The following PRKCB variants were observed in gnomAD, a reference collection of about 807,000 sequenced individuals.
PRKCB encodes the protein protein kinase C beta, also known as protein kinase C beta type.
In PRKCB, 13 loss-of-function variants were observed where a neutral mutation model predicts 81.5. The observed-to-expected ratio is 0.16, with a 90% CI of 0.10 to 0.25. PRKCB has a LOEUF of 0.25. Ranked by LOEUF, PRKCB falls within the 10% of genes least tolerant of loss-of-function variation. The probability of loss-of-function intolerance (pLI) is 1.00; values close to 1 mark genes in which losing one functional copy is unlikely to be tolerated. For synonymous variants in PRKCB, 335 were observed against 321.4 expected, an observed-to-expected ratio of 1.04 and a Z score of -0.45; for missense variants, 509 against 875.7, an observed-to-expected ratio of 0.58 and a Z score of 5.29.
intron 9 of PRKCB, among the ~76,000 whole-genome samples, chr16:24,125,986 G>A (rs1429099576): frequency 1.3e-5 from 2 of 152,192 alleles, no homozygotes; most frequent in African/African-American, 2.4e-5. Context: ...AGATGGAGAA[G>A]GAGATGGTGG....
At chr16:23,882,991 A>C (rs904485995) in intron 2 of PRKCB, among the ~76,000 whole-genome samples, 2 of 152,142 alleles carry the variant, frequency 1.3e-5, no homozygotes, top group African/African-American at 4.8e-5. Flanking sequence ...TTCTAACTGC[A>C]CCACAGCTCC....
chr16:24,042,142 G>T (rs187177930), intron 5 of PRKCB, among the ~76,000 whole-genome samples: 1 of 152,102 alleles, frequency 6.6e-6, no homozygotes, highest in East Asian at 1.9e-4. Flanking sequence ...GTGTCATGGG[G>T]GTTTGTGTAA....
At chr16:24,042,205 G>T (rs918721912) in intron 5 of PRKCB, among the ~76,000 whole-genome samples, 7 of 152,112 alleles carry the variant, frequency 4.6e-5, no homozygotes. Flanking sequence ...AAACTAGGCC[G>T]CGAGGGCCCA....
intron 2 of PRKCB, among the ~76,000 whole-genome samples, chr16:23,909,557 A>G (rs2141731484): frequency 6.6e-6 from 1 of 152,286 alleles, no homozygotes; most frequent in Middle Eastern, 3.4e-3. Flanking sequence ...CTTTTTGAGT[A>G]ACCATCACCC....
chr16:23,921,728 G>A (rs940721407), intron 2 of PRKCB, among the ~76,000 whole-genome samples: 1 of 152,122 alleles, frequency 6.6e-6, no homozygotes, highest in African/African-American at 2.4e-5. Context: ...TTGAATCTGA[G>A]AGGCAGAGGT....
At chr16:24,174,022 G>T (rs574014955) in intron 11 of PRKCB, among the ~76,000 whole-genome samples, 1 of 151,676 alleles carries the variant, frequency 6.6e-6, no homozygotes, top group African/African-American at 2.4e-5. Flanking sequence ...TTTTTGGGGG[G>T]GTGGGGGACA....
chr16:24,112,842 A>G, intron 7 of PRKCB, 131 bp from the exon 8 acceptor site: 1 of 619,288 alleles, frequency 1.6e-6, no homozygotes, highest in Non-Finnish European at 2.8e-6. Flanking sequence ...ACAAACCAAA[A>G]CAAACCAAAA....
intron 2 of PRKCB, among the ~76,000 whole-genome samples, chr16:23,891,017 G>GTATATATATATAA (rs1018124557): frequency 0.044 from 6,640 of 150,620 alleles, 220 homozygotes; most frequent in South Asian, 0.083. Flanking sequence ...GTGTGTGTGT[G>GTATATATATATAA]TGTGTATATA....
At chr16:24,049,612 T>C (rs943771200) in intron 5 of PRKCB, among the ~76,000 whole-genome samples, 5 of 151,954 alleles carry the variant, frequency 3.3e-5, no homozygotes, top group African/African-American at 1.2e-4. Flanking sequence ...CACCCTTAAC[T>C]ACTACCCTGG....
rs1968295604 is a variant in PRKCB at position 24,219,904 on chromosome 16, T to C, written c.*5088T>C. 2 of 1,588,292 alleles carry C rather than the reference T, an allele frequency of 1.3e-6. No homozygotes were observed. On this transcript the variant is annotated 3_prime_UTR_variant, in exon 17 of 17. Transcript: ENST00000643927. ...TCAGCCACCCAATGACTGGCGTATC[T>C]TGGTCCTGTGTCTTTCTTCTTACGC...
At position 24,185,556 on chromosome 16, in the gene PRKCB, A is replaced by G. The variant is rs1269111297; in HGVS notation, c.1711A>G (p.Ile571Val). 6.2e-7 allele frequency: 1 copy of G among 1,613,216 alleles called. No homozygotes were observed. Among genetic ancestry groups the G allele is most frequent in the Non-Finnish European group, 8.5e-7 (1 of 1,179,248 alleles). Reference protein sequence around the residue: ...PKSMSKEAVAICKGLMTKHPG... With the variant: ...PKSMSKEAVAVCKGLMTKHPG... ...GTCTATGTCCAAGGAAGCTGTGGCCATCTGCAAAGGGGTAAGTGCATCTCT... is the reference window on the plus strand; with the variant it reads ...GTCTATGTCCAAGGAAGCTGTGGCCGTCTGCAAAGGGGTAAGTGCATCTCT... Residue 571 changes from isoleucine (I) to valine (V), a missense_variant, in exon 15 of 17, where the codon ATC becomes GTC. Ile to Val is a conservative substitution (Grantham distance 29, BLOSUM62 3). Transcript: ENST00000643927.
intron 4 of PRKCB, among the ~76,000 whole-genome samples, chr16:24,033,203 G>C (rs936346732): frequency 6.6e-6 from 1 of 152,150 alleles, no homozygotes; most frequent in Admixed American, 6.5e-5. Context: ...GAGGCTAGTG[G>C]TACTGCTCTC....
chr16:24,123,471 A>T (rs1317324811), intron 8 of PRKCB, among the ~76,000 whole-genome samples: 2 of 152,132 alleles, frequency 1.3e-5, no homozygotes, highest in Admixed American at 6.5e-5. Flanking sequence ...ACTTGGTTGG[A>T]TGAGAGGCTC....
intron 2 of PRKCB, among the ~76,000 whole-genome samples, chr16:23,972,214 AT>A (rs1264182345): frequency 2.4e-4 from 37 of 152,222 alleles, no homozygotes; most frequent in African/African-American, 8.9e-4. Context: ...GAGGCCATTA[AT>A]CTATATAGTA....
At chr16:24,071,373 G>A (rs1596536434) in intron 5 of PRKCB, among the ~76,000 whole-genome samples, 1 of 150,070 alleles carries the variant, frequency 6.7e-6, no homozygotes, top group African/African-American at 2.5e-5. Context: ...AGAGGCCAAG[G>A]CGGGTGGATC....
intron 2 of PRKCB, among the ~76,000 whole-genome samples, chr16:23,856,994 CT>C (rs538669143): frequency 4.0e-5 from 6 of 150,478 alleles, no homozygotes; most frequent in South Asian, 2.1e-4. Flanking sequence ...ACTGTTGAGG[CT>C]TTTTTTTTAA....
intron 2 of PRKCB, among the ~76,000 whole-genome samples, chr16:23,868,156 C>G (rs1274936579): frequency 6.6e-6 from 1 of 152,296 alleles, no homozygotes; most frequent in East Asian, 1.9e-4. Flanking sequence ...TTATCACTTT[C>G]AGAAATGGCC....
intron 2 of PRKCB, among the ~76,000 whole-genome samples, chr16:23,881,301 G>A (rs1310010319): frequency 1.4e-5 from 2 of 145,192 alleles, no homozygotes; most frequent in African/African-American, 5.1e-5. Flanking sequence ...TGCCCAGGCT[G>A]AAGTGCGGTG....
At chr16:24,036,145 A>G (rs1194556755) in intron 5 of PRKCB, among the ~76,000 whole-genome samples, 1 of 151,884 alleles carries the variant, frequency 6.6e-6, no homozygotes, top group African/African-American at 2.4e-5. Flanking sequence ...TGTCTAAAAT[A>G]TTTCATGATA....
Sources: gnomAD v4.1 joint callset for allele counts (sites outside exome capture counted in the v4.1 genomes callset) on GRCh38, gnomAD v4.1.1 for gene constraint, MANE v1.5 for transcripts, NCBI Gene and HGNC (gene_info 2026-07-23, HGNC 2026-07-21) for gene names.